CUBN: variants seen among roughly 807,000 people sequenced by gnomAD.
CUBN encodes the protein cubilin.
CUBN carries 282 observed loss-of-function variants against 405.3 expected under a neutral mutation model. That is an observed-to-expected ratio of 0.70 (90% CI 0.63 to 0.77). The LOEUF is 0.77. Among genes scored for constraint, CUBN ranks in the 30% least tolerant of loss-of-function variants. CUBN has a pLI of 0.00. For synonymous variants in CUBN, 1,684 were observed against 1,617.0 expected (o/e 1.04, Z -0.99); for missense variants, 4,514 against 4,475.2 (o/e 1.01, Z -0.25).
chr10:16,918,607 TA>T lies in CUBN; in HGVS notation c.7000+14del. The stretch of plus-strand genomic sequence containing the variant: ...ACCCCTGAACCTAAAATAAAAGTTT[TA>T]AAAAAATTATTACCTATAGAATACT... On this transcript the variant is annotated intron_variant, in intron 45 of 66. Transcript: ENST00000377833. The T allele has an allele frequency of 1.9e-6, 3 of 1,606,394 alleles. No homozygotes were observed. The highest frequency in any genetic ancestry group is 1.1e-5 in the South Asian group (1 of 90,554).
At chr10:16,940,311 C>T in intron 36 of CUBN, 74 bp from the exon 37 acceptor site, 1 of 1,316,974 alleles carries the variant, frequency 7.6e-7, no homozygotes, top group Non-Finnish European at 1.1e-6. Flanking sequence ...GGATCACATG[C>T]TAGGTTAACC....
intron 28 of CUBN, among the ~76,000 whole-genome samples, chr10:17,019,042 G>C (rs1834422224): frequency 6.6e-6 from 1 of 152,180 alleles, no homozygotes; most frequent in South Asian, 2.1e-4. Context: ...CCACTTCAAA[G>C]TTTGTGATTC....
chr10:16,833,061 G>T (rs1839056494), intron 64 of CUBN, among the ~76,000 whole-genome samples: 1 of 152,156 alleles, frequency 6.6e-6, no homozygotes, highest in Admixed American at 6.5e-5. Flanking sequence ...TCCACGGCTG[G>T]AAAGCAAGGC....
rs1454529239 is a variant in CUBN, at chr10:16,824,727, C to G, written c.*248G>C. 2.3e-6 allele frequency: 1 copy of G among 428,122 alleles called. No individual in the cohort carries two copies. The highest frequency in any genetic ancestry group is 2.0e-5 in the African/African-American group (1 of 49,246). The allele number at this position is 428,122 out of a possible 1,614,324, so 26.5% of individuals were successfully genotyped here. A position where few individuals can be genotyped will look rare whatever the true frequency, so the allele number is the denominator to read the frequency against. On this transcript the variant is annotated 3_prime_UTR_variant, in exon 67 of 67. Coordinates refer to ENST00000377833, the MANE Select transcript of CUBN (RefSeq NM_001081.4). ...GAGAGATGAGGTTTCACCATGCTGG[C>G]CAGGCTAGTCTCAAACTCCTGACCT...
intron 27 of CUBN, chr10:17,023,528 C>T: frequency 2.3e-6 from 1 of 439,350 alleles, no homozygotes; most frequent in Non-Finnish European, 4.7e-6. Context: ...AAGGAACAGT[C>T]ATTTTTCAAA....
rs2271462 is a variant in CUBN, at chr10:16,940,062, C to T, written c.5518G>A (p.Gly1840Ser). ...VRFISDGSGS[G>S]TGFQATFMKI... The stretch of plus-strand genomic sequence containing the variant: ...ATAAATGTGGCCTGGAAGCCCGTGC[C>T]GCTGCCAGAACCATCTGAGATAAAT... Residue 1840 changes from glycine (G) to serine (S), a missense_variant, in exon 37 of 67, where the codon GGC (glycine) becomes AGC (serine). Coordinates refer to ENST00000377833, the MANE Select transcript of CUBN (RefSeq NM_001081.4). 58,845 of 1,613,878 alleles carry T rather than the reference C, an allele frequency of 0.036. 3,840 individuals carry two copies. Among genetic ancestry groups the T allele is most frequent in the Admixed American group, 0.24 (14,637 of 60,004 alleles).
At chr10:17,024,593 C>A (rs1404086145) in intron 27 of CUBN, among the ~76,000 whole-genome samples, 3 of 152,176 alleles carry the variant, frequency 2.0e-5, no homozygotes, top group Non-Finnish European at 4.4e-5. Context: ...TAGCCTCACC[C>A]TCCCAGGCTC....
chr10:16,946,522 G>T (rs1401347266), intron 36 of CUBN, among the ~76,000 whole-genome samples: 1 of 129,818 alleles, frequency 7.7e-6, no homozygotes, highest in African/African-American at 3.0e-5. Flanking sequence ...TTAAGATGGA[G>T]TCTCACTCTG....
intron 54 of CUBN, 146 bp downstream of exon 54, chr10:16,898,850 T>A (rs537825358): frequency 5.8e-6 from 4 of 692,910 alleles, no homozygotes; most frequent in African/African-American, 3.6e-5. Flanking sequence ...CTCCTAACAG[T>A]TGAGGTTTCT....
intron 31 of CUBN, among the ~76,000 whole-genome samples, chr10:16,974,793 CCACT>C (rs1353296200): frequency 1.3e-5 from 2 of 152,138 alleles, no homozygotes; most frequent in Admixed American, 6.6e-5. Flanking sequence ...CCTCCCCAAC[CCACT>C]CAATGTGAAG....
intron 28 of CUBN, among the ~76,000 whole-genome samples, chr10:16,996,066 C>T (rs915589793): frequency 2.6e-5 from 4 of 152,124 alleles, no homozygotes; most frequent in Non-Finnish European, 2.9e-5. Flanking sequence ...CATGCCTTGC[C>T]GAGAACTTCA....
intron 28 of CUBN, among the ~76,000 whole-genome samples, chr10:17,001,532 A>G (rs955109174): frequency 1.3e-5 from 2 of 152,244 alleles, no homozygotes; most frequent in African/African-American, 4.8e-5. Context: ...CAAGCTAGAC[A>G]GAAAAGTTCT....
chr10:17,041,632 C>T (rs1023775517), intron 26 of CUBN, among the ~76,000 whole-genome samples: 4 of 151,698 alleles, frequency 2.6e-5, no homozygotes, highest in South Asian at 2.1e-4. Context: ...AATGTTAACA[C>T]GTGGAAGGGA....
intron 66 of CUBN, among the ~76,000 whole-genome samples, chr10:16,825,371 G>A (rs1358977442): frequency 2.0e-5 from 3 of 152,000 alleles, no homozygotes; most frequent in Admixed American, 2.0e-4. Flanking sequence ...GATAATGGCC[G>A]CACAGCTCTG....
At chr10:17,086,490 C>T (rs1196473674) in intron 15 of CUBN, among the ~76,000 whole-genome samples, 2 of 152,086 alleles carry the variant, frequency 1.3e-5, no homozygotes, top group Non-Finnish European at 2.9e-5. Context: ...GAAGTGCCAT[C>T]AGATTAGACA....
chr10:16,929,788 T>A (rs1842313130), intron 40 of CUBN, among the ~76,000 whole-genome samples: 1 of 152,238 alleles, frequency 6.6e-6, no homozygotes, highest in Non-Finnish European at 1.5e-5. Flanking sequence ...ATTCTCTGAT[T>A]ACCTGTACTA....
intron 27 of CUBN, among the ~76,000 whole-genome samples, chr10:17,034,474 G>C (rs556957322): frequency 2.6e-5 from 4 of 152,288 alleles, no homozygotes; most frequent in East Asian, 1.9e-4. Context: ...CCCCAGGAGA[G>C]AGCATTGAAG....
chr10:16,996,740 G>T (rs571728589), intron 28 of CUBN, among the ~76,000 whole-genome samples: 1 of 152,206 alleles, frequency 6.6e-6, no homozygotes. Flanking sequence ...TGCAGTCAGC[G>T]CTTTGCTGGC....
intron 19 of CUBN, 111 bp from the exon 20 acceptor site, chr10:17,068,881 A>G: frequency 1.1e-6 from 1 of 922,490 alleles, no homozygotes; most frequent in East Asian, 2.5e-5. Context: ...ATTTGAGAAT[A>G]CAATCAATTT....
Sources: allele counts gnomAD v4.1 joint callset (sites outside exome capture counted in the v4.1 genomes callset), GRCh38; gene constraint gnomAD v4.1.1; transcripts MANE v1.5; gene names NCBI Gene and HGNC (gene_info 2026-07-23, HGNC 2026-07-21).